Variants in TENM3 observed in about 807,000 individuals in gnomAD.
The protein encoded by TENM3 is teneurin transmembrane protein 3.
TENM3 carries 63 observed loss-of-function variants against 255.1 expected under a neutral mutation model. The ratio of observed to expected loss-of-function variants is 0.25; its 90% CI spans 0.20 to 0.30. TENM3 has a LOEUF of 0.30. Ranked by LOEUF, TENM3 falls within the 10% of genes least tolerant of loss-of-function variation. The pLI is 1.00. For synonymous variants in TENM3, 1,306 were observed against 1,322.3 expected (o/e 0.99, Z 0.27); for missense variants, 2,929 against 3,461.1 (o/e 0.85, Z 3.86).
chr4:181,944,288 A>G, the TENM3 span, among the ~76,000 whole-genome samples: 4 of 152,120 alleles, frequency 2.6e-5, no homozygotes, highest in Non-Finnish European at 5.9e-5. Flanking sequence ...GGGGGTCCCA[A>G]GTCCTGAGAA....
At chr4:182,223,222 A>G (rs537140664) in intron 1 of TENM3, among the ~76,000 whole-genome samples, 80 of 152,336 alleles carry the variant, frequency 5.3e-4, no homozygotes, top group Admixed American at 7.8e-4. Context: ...CTTCTCTTGC[A>G]TAAATATGTA....
chr4:181,474,750 A>AAC, the TENM3 span, among the ~76,000 whole-genome samples: 1 of 151,720 alleles, frequency 6.6e-6, no homozygotes, highest in South Asian at 2.1e-4. Flanking sequence ...AAAAAAAAAA[A>AAC]AAACAAAGAA....
At chr4:182,029,516 C>T in the TENM3 span, among the ~76,000 whole-genome samples, 13 of 152,056 alleles carry the variant, frequency 8.5e-5, no homozygotes, top group South Asian at 6.2e-4. Context: ...GGTCATCCAA[C>T]GTTGGGTGCA....
chr4:182,712,449 A>G (rs1361107437), intron 12 of TENM3, among the ~76,000 whole-genome samples: 3 of 151,964 alleles, frequency 2.0e-5, no homozygotes, highest in African/African-American at 7.3e-5. Context: ...AAAAAAAAAA[A>G]CACATCCATA....
At chr4:181,871,717 A>T in the TENM3 span, among the ~76,000 whole-genome samples, 25 of 152,146 alleles carry the variant, frequency 1.6e-4, no homozygotes, top group African/African-American at 5.8e-4. Context: ...ATGTTTTCTC[A>T]GACTAAGGAG....
intron 13 of TENM3, among the ~76,000 whole-genome samples, chr4:182,720,817 G>T (rs1337881461): frequency 6.8e-6 from 1 of 146,196 alleles, no homozygotes; most frequent in East Asian, 2.0e-4. Context: ...GCCCAGGCTG[G>T]AGTGCAATAG....
At chr4:182,531,607 T>C (rs1739786215) in intron 3 of TENM3, among the ~76,000 whole-genome samples, 1 of 152,052 alleles carries the variant, frequency 6.6e-6, no homozygotes. Flanking sequence ...GGAAAAGACA[T>C]GTGGGGTGAA....
intron 3 of TENM3, among the ~76,000 whole-genome samples, chr4:182,569,459 C>T (rs1434542157): frequency 6.6e-6 from 1 of 151,552 alleles, no homozygotes; most frequent in Non-Finnish European, 1.5e-5. Flanking sequence ...GAGGCTGAGG[C>T]AGGAGAATGG....
chr4:182,007,351 G>A, the TENM3 span, among the ~76,000 whole-genome samples: 1 of 152,000 alleles, frequency 6.6e-6, no homozygotes, highest in African/African-American at 2.4e-5. Flanking sequence ...TTATTATGTG[G>A]GAGTCTAAGT....
chr4:181,707,394 A>G, the TENM3 span, among the ~76,000 whole-genome samples: 1 of 152,232 alleles, frequency 6.6e-6, no homozygotes, highest in Admixed American at 6.5e-5. Flanking sequence ...TGGCAGAAGA[A>G]CACCATCTTT....
chr4:181,907,701 A>G, the TENM3 span, among the ~76,000 whole-genome samples: 6 of 152,120 alleles, frequency 3.9e-5, no homozygotes, highest in East Asian at 1.9e-4. Context: ...TCACCCCACA[A>G]GCTCTCAGAG....
At chr4:181,578,406 C>T in the TENM3 span, among the ~76,000 whole-genome samples, 1 of 152,140 alleles carries the variant, frequency 6.6e-6, no homozygotes, top group African/African-American at 2.4e-5. Flanking sequence ...AAAGAGGCAG[C>T]TTTCAGCCCT....
At chr4:181,598,163 T>C in the TENM3 span, among the ~76,000 whole-genome samples, 1 of 152,206 alleles carries the variant, frequency 6.6e-6, no homozygotes, top group Non-Finnish European at 1.5e-5. Context: ...AATTTGTAGT[T>C]CCATGATCTA....
chr4:182,414,759 C>A (rs1770245072), intron 3 of TENM3, among the ~76,000 whole-genome samples: 1 of 152,078 alleles, frequency 6.6e-6, no homozygotes, highest in Non-Finnish European at 1.5e-5. Flanking sequence ...TATTTAAAAG[C>A]TTTGCTGTTT....
the TENM3 span, among the ~76,000 whole-genome samples, chr4:182,097,579 A>G: frequency 1.4e-3 from 214 of 152,300 alleles, no homozygotes; most frequent in African/African-American, 4.9e-3. Context: ...TACTCGACAT[A>G]TATGTATTAA....
At chr4:181,819,311 T>A in the TENM3 span, among the ~76,000 whole-genome samples, 1 of 152,002 alleles carries the variant, frequency 6.6e-6, no homozygotes, top group East Asian at 1.9e-4. Flanking sequence ...CAATGCCACA[T>A]GAATAAATAA....
chr4:181,939,799 T>A, the TENM3 span, among the ~76,000 whole-genome samples: 2 of 152,218 alleles, frequency 1.3e-5, no homozygotes, highest in Non-Finnish European at 2.9e-5. Context: ...CGCTGCCTCC[T>A]CCAGGGTGAA....
chr4:181,567,134 G>A, the TENM3 span, among the ~76,000 whole-genome samples: 1 of 152,212 alleles, frequency 6.6e-6, no homozygotes, highest in African/African-American at 2.4e-5. Flanking sequence ...AATATACTCA[G>A]TGAATTTTAA....
the TENM3 span, among the ~76,000 whole-genome samples, chr4:182,086,140 A>G: frequency 6.6e-6 from 1 of 152,282 alleles, no homozygotes; most frequent in South Asian, 2.1e-4. Context: ...AACTATTAAA[A>G]CAGGACTTTG....
Sources: allele counts gnomAD v4.1 joint callset (sites outside exome capture counted in the v4.1 genomes callset), GRCh38; gene constraint gnomAD v4.1.1; transcripts MANE v1.5; gene names NCBI Gene and HGNC (gene_info 2026-07-23, HGNC 2026-07-21).